PCNX1: variants seen among roughly 807,000 people sequenced by gnomAD.
PCNX1 encodes the protein pecanex-like protein 1.
PCNX1 carries 78 observed loss-of-function variants against 242.2 expected under a neutral mutation model. The ratio of observed to expected loss-of-function variants is 0.32; its 90% CI spans 0.27 to 0.39. The LOEUF (loss-of-function observed/expected upper bound fraction) is 0.39, where lower values mean the gene tolerates loss of function less well. Ranked by LOEUF, PCNX1 falls within the 10% of genes least tolerant of loss-of-function variation. The pLI is 1.00. For missense variants in PCNX1, 2,581 were observed against 2,856.5 expected, an observed-to-expected ratio of 0.90 and a Z score of 2.20; for synonymous variants, 1,024 against 1,032.9, an observed-to-expected ratio of 0.99 and a Z score of 0.17.
intron 1 of PCNX1, among the ~76,000 whole-genome samples, chr14:70,908,731 G>A (rs1217447156): frequency 6.6e-6 from 1 of 152,260 alleles, no homozygotes; most frequent in African/African-American, 2.4e-5. Context: ...GGAGATAACG[G>A]GGAATCTGGC....
chr14:70,986,625 C>T (rs1483158310), intron 6 of PCNX1, among the ~76,000 whole-genome samples: 2 of 152,130 alleles, frequency 1.3e-5, no homozygotes, highest in African/African-American at 4.8e-5. Flanking sequence ...TCTTCCTGTT[C>T]TGTATGATTA....
At chr14:71,035,403 A>G (rs1467846660) in intron 18 of PCNX1, among the ~76,000 whole-genome samples, 3 of 152,238 alleles carry the variant, frequency 2.0e-5, no homozygotes, top group African/African-American at 7.2e-5. Flanking sequence ...GTCAAAGCCA[A>G]AATATGAGGA....
intron 26 of PCNX1, among the ~76,000 whole-genome samples, chr14:71,073,175 AC>A (rs2061627766): frequency 6.6e-6 from 1 of 152,104 alleles, no homozygotes. Flanking sequence ...TGCCTGTAAT[AC>A]CAGCTCCTCT....
At chr14:71,046,641 A>T (rs969096125) in intron 20 of PCNX1, among the ~76,000 whole-genome samples, 1 of 152,044 alleles carries the variant, frequency 6.6e-6, no homozygotes, top group Non-Finnish European at 1.5e-5. Flanking sequence ...ATTTTTATTT[A>T]TTTTGGGTGG....
intron 1 of PCNX1, among the ~76,000 whole-genome samples, chr14:70,943,554 A>T (rs2057343700): frequency 6.6e-6 from 1 of 152,222 alleles, no homozygotes; most frequent in Admixed American, 6.5e-5. Context: ...TCAAGAGGTG[A>T]CAGAGCATAA....
chr14:71,069,328 A>G (rs953193235), intron 26 of PCNX1, among the ~76,000 whole-genome samples: 1 of 152,238 alleles, frequency 6.6e-6, no homozygotes, highest in African/African-American at 2.4e-5. Flanking sequence ...TTTCATTTTT[A>G]AAGTCAATTT....
intron 5 of PCNX1, among the ~76,000 whole-genome samples, chr14:70,971,779 C>T (rs1466823086): frequency 6.6e-6 from 1 of 152,108 alleles, no homozygotes; most frequent in Non-Finnish European, 1.5e-5. Context: ...GGGGAGGGGC[C>T]CCCTCCACGC....
chr14:70,968,463 C>T (rs576925310), intron 4 of PCNX1, among the ~76,000 whole-genome samples: 2 of 152,268 alleles, frequency 1.3e-5, no homozygotes, highest in East Asian at 1.9e-4. Flanking sequence ...CATTACATTG[C>T]GTGAATTACA....
chr14:71,026,108 C>G lies in PCNX1; in HGVS notation c.3184-9C>G. The G allele has an allele frequency of 6.6e-7, 1 of 1,521,288 alleles. No individual in the cohort carries two copies. Among genetic ancestry groups the G allele is most frequent in the Admixed American group, 2.0e-5 (1 of 50,674 alleles). The allele number at this position is 1,521,288 out of a possible 1,614,324, so 94.2% of individuals were successfully genotyped here. On this transcript the variant is annotated splice_polypyrimidine_tract_variant and intron_variant, in intron 13 of 35. Coordinates refer to ENST00000304743, the MANE Select transcript of PCNX1 (RefSeq NM_014982.3). Reference sequence around the variant, plus strand: ...AACCAAACTGACTTTTAAAAAATATCATTTTCAGGGTCATAATCGTATCAT... The same window carrying G: ...AACCAAACTGACTTTTAAAAAATATGATTTTCAGGGTCATAATCGTATCAT...
Position 70,983,985 on chromosome 14 carries a change from T to C in PCNX1, c.2312-4582T>C, listed in dbSNP as rs563823779. 1.3e-4 allele frequency among the ~76,000 whole-genome samples: 19 copies of C among 151,590 alleles called. 2 individuals are homozygous for C. The highest frequency in any genetic ancestry group is 3.0e-5 in the Non-Finnish European group (2 of 67,622). ...AAAATTACTTGAATGTTTATGTCTT[T>C]ATATAGTAATTTTGTTGTTGGGTAA... On this transcript the variant is annotated intron_variant, in intron 6 of 35. Coordinates refer to ENST00000304743, the MANE Select transcript of PCNX1 (RefSeq NM_014982.3).
intron 8 of PCNX1, among the ~76,000 whole-genome samples, chr14:71,002,697 G>A (rs889546886): frequency 6.6e-6 from 1 of 152,114 alleles, no homozygotes; most frequent in Admixed American, 6.6e-5. Context: ...TGAGTAGTTT[G>A]TTCTTTCTTA....
At chr14:70,959,997 T>G (rs2058148588) in intron 2 of PCNX1, among the ~76,000 whole-genome samples, 1 of 119,256 alleles carries the variant, frequency 8.4e-6, no homozygotes, top group Non-Finnish European at 1.8e-5. Context: ...TGAGCATTTT[T>G]TCATGTGTTT....
chr14:71,090,981 T>A (rs986466220), intron 30 of PCNX1, among the ~76,000 whole-genome samples: 6 of 152,218 alleles, frequency 3.9e-5, no homozygotes, highest in African/African-American at 1.4e-4. Context: ...CTTTACTTTA[T>A]ATTCTGGCCC....
At chr14:71,099,780 G>A (rs1406141926) in intron 30 of PCNX1, among the ~76,000 whole-genome samples, 2 of 152,160 alleles carry the variant, frequency 1.3e-5, no homozygotes, top group African/African-American at 4.8e-5. Context: ...TATATATGTA[G>A]GATAGTTATG....
At chr14:71,084,786 G>A (rs903253994) in intron 28 of PCNX1, among the ~76,000 whole-genome samples, 12 of 152,208 alleles carry the variant, frequency 7.9e-5, no homozygotes, top group African/African-American at 9.6e-5. Flanking sequence ...GCTGGGCTCC[G>A]TAGGGGTGGG....
At chr14:71,039,261 T>C (rs1225608932) in intron 19 of PCNX1, among the ~76,000 whole-genome samples, 3 of 152,108 alleles carry the variant, frequency 2.0e-5, no homozygotes, top group Admixed American at 2.0e-4. Context: ...AACCAAATAC[T>C]TATTTTCTCA....
At chr14:71,088,592 TCTTAA>T (rs1371779631) in intron 29 of PCNX1, among the ~76,000 whole-genome samples, 162 bp downstream of exon 29, 40 of 152,228 alleles carry the variant, frequency 2.6e-4, no homozygotes, top group Admixed American at 2.6e-3. Flanking sequence ...AGGTGAGCTG[TCTTAA>T]CTGGTTAACA....
At chr14:71,100,476 G>A (rs1444410876) in intron 30 of PCNX1, among the ~76,000 whole-genome samples, 1 of 152,154 alleles carries the variant, frequency 6.6e-6, no homozygotes, top group African/African-American at 2.4e-5. Context: ...ACCTGATGGG[G>A]TTCCCTTTTT....
intron 5 of PCNX1, among the ~76,000 whole-genome samples, chr14:70,976,438 T>G: frequency 6.6e-6 from 1 of 150,602 alleles, no homozygotes; most frequent in African/African-American, 2.4e-5. Context: ...AGTGGTACGA[T>G]CTCGGCTCAC....
Sources: allele counts gnomAD v4.1 joint callset (sites outside exome capture counted in the v4.1 genomes callset), GRCh38; gene constraint gnomAD v4.1.1; transcripts MANE v1.5; gene names NCBI Gene and HGNC (gene_info 2026-07-23, HGNC 2026-07-21).